UBE2D2: variants seen among roughly 807,000 people sequenced by gnomAD.
The protein encoded by UBE2D2 is ubiquitin conjugating enzyme E2 D2.
A neutral mutation model predicts 24.2 loss-of-function variants in UBE2D2; 2 were observed. The observed-to-expected ratio is 0.08, with a 90% CI of 0.03 to 0.26. The LOEUF is 0.26. UBE2D2 is among the 10% of genes least tolerant of loss of function. The pLI, the probability that UBE2D2 is intolerant of heterozygous loss-of-function variation, is 1.00. For synonymous variants in UBE2D2, 58 were observed against 56.5 expected, an observed-to-expected ratio of 1.03 and a Z score of -0.12; for missense variants, 44 against 177.6, an observed-to-expected ratio of 0.25 and a Z score of 4.28.
rs1338732376 is a variant in UBE2D2, at chr5:139,574,747, AAAAAAAG to A, written c.24+12937_24+12943del. Among the ~76,000 whole-genome samples the A allele has an allele frequency of 2.0e-3, 299 of 151,956 alleles. 1 individual carries two copies. The highest frequency in any genetic ancestry group is 3.6e-3 in the Admixed American group (55 of 15,232). On this transcript the variant is annotated intron_variant, in intron 1 of 6. Transcript: ENST00000398733. ...TCAGGTGGGGTGGCAAAAAAAAAAA[AAAAAAAG>A]AAAAGAAAAGGTGGAATTTTGGAGC...
chr5:139,531,625 C>T (rs1439755269), intron 1 of UBE2D2, among the ~76,000 whole-genome samples: 2 of 97,354 alleles, frequency 2.1e-5, no homozygotes, highest in African/African-American at 7.8e-5. Context: ...AGACCCTATC[C>T]AAAAAAAAAA....
intron 1 of UBE2D2, among the ~76,000 whole-genome samples, chr5:139,595,990 T>C (rs1457485918): frequency 6.7e-6 from 1 of 150,032 alleles, no homozygotes; most frequent in Non-Finnish European, 1.5e-5. Context: ...GCCTCCCTCG[T>C]TCAGGCAATT....
chr5:139,612,783 T>C (rs1754350562), intron 2 of UBE2D2, among the ~76,000 whole-genome samples: 1 of 152,204 alleles, frequency 6.6e-6, no homozygotes, highest in Non-Finnish European at 1.5e-5. Flanking sequence ...CGTGTGAGCA[T>C]GTGCGTGTGT....
chr5:139,550,919 C>T (rs914386259), intron 1 of UBE2D2, among the ~76,000 whole-genome samples: 3 of 152,170 alleles, frequency 2.0e-5, no homozygotes, highest in Non-Finnish European at 4.4e-5. Flanking sequence ...CTTCATTCTT[C>T]AAGTCAGTGA....
intron 1 of UBE2D2, among the ~76,000 whole-genome samples, chr5:139,543,966 G>A (rs530257171): frequency 5.6e-5 from 7 of 125,968 alleles, no homozygotes; most frequent in Non-Finnish European, 1.1e-4. Context: ...GAACCCCACA[G>A]AAGACAAAGG....
chr5:139,540,698 T>G (rs2126632105), intron 1 of UBE2D2, among the ~76,000 whole-genome samples: 1 of 152,228 alleles, frequency 6.6e-6, no homozygotes. Context: ...ATATTTACAT[T>G]AAAAAGTTTG....
rs1376348700 is a variant in UBE2D2 at position 139,562,478 on chromosome 5, G to C, written c.24+663G>C. 4.8e-6 allele frequency: 6 copies of C among 1,259,404 alleles called. 1 individual carries two copies. The highest frequency in any genetic ancestry group is 6.2e-6 in the Non-Finnish European group (6 of 971,814). 78.0% of individuals were successfully genotyped at this position (1,259,404 alleles called of 1,614,324 possible). On this transcript the variant is annotated intron_variant, in intron 1 of 6. Transcript: ENST00000398733. ...TCCTTGAGGTTGCTGTATGTAGTTAGAAACTAACACTTCCGTTTTGCAGGA... is the reference window on the plus strand; with the variant it reads ...TCCTTGAGGTTGCTGTATGTAGTTACAAACTAACACTTCCGTTTTGCAGGA...
intron 1 of UBE2D2, among the ~76,000 whole-genome samples, chr5:139,566,867 C>CA (rs950945671): frequency 1.2e-4 from 16 of 138,458 alleles, no homozygotes; most frequent in South Asian, 4.6e-4. Context: ...ATCTTCCATT[C>CA]AAAAAAAAAA....
At chr5:139,618,648 C>T (rs904282013) in intron 5 of UBE2D2, among the ~76,000 whole-genome samples, 4 of 152,064 alleles carry the variant, frequency 2.6e-5, no homozygotes, top group African/African-American at 7.2e-5. Context: ...ATTGCCATAC[C>T]TCTTTTTGTT....
chr5:139,559,383 G>A (rs773602965), upstream of UBE2D2, among the ~76,000 whole-genome samples: 48 of 150,562 alleles, frequency 3.2e-4, no homozygotes, highest in Admixed American at 1.7e-3. Flanking sequence ...CCGAGATAGC[G>A]TCACCGCACT....
At chr5:139,533,034 G>A (rs1412186963) in intron 1 of UBE2D2, among the ~76,000 whole-genome samples, 3 of 151,662 alleles carry the variant, frequency 2.0e-5, no homozygotes, top group Non-Finnish European at 4.4e-5. Flanking sequence ...CTTGAACCCG[G>A]GAGGCGGAGG....
intron 1 of UBE2D2, among the ~76,000 whole-genome samples, chr5:139,549,688 G>A (rs563835812): frequency 4.6e-5 from 7 of 152,342 alleles, no homozygotes; most frequent in South Asian, 2.1e-4. Context: ...CCTGCTCCGC[G>A]GCGCCCCATC....
At chr5:139,623,553 A>C in intron 6 of UBE2D2, 92 bp downstream of exon 6, 1 of 1,024,910 alleles carries the variant, frequency 9.8e-7, no homozygotes, top group East Asian at 2.5e-5. Flanking sequence ...TATCGGCCAG[A>C]TATTTAAAGT....
At chr5:139,624,376 A>AC (rs1276736882) in intron 6 of UBE2D2, among the ~76,000 whole-genome samples, 4 of 152,076 alleles carry the variant, frequency 2.6e-5, no homozygotes, top group Non-Finnish European at 4.4e-5. Context: ...CAAACTCCCT[A>AC]CCTCAGCCTC....
intron 1 of UBE2D2, chr5:139,562,222 C>T: frequency 2.2e-6 from 3 of 1,372,290 alleles, no homozygotes; most frequent in Non-Finnish European, 2.9e-6. Context: ...ATTTCTGTTC[C>T]CTCCTCCCAC....
chr5:139,532,528 T>A (rs546048279), intron 1 of UBE2D2, among the ~76,000 whole-genome samples: 1 of 152,066 alleles, frequency 6.6e-6, no homozygotes, highest in African/African-American at 2.4e-5. Context: ...ATTTTTTGTA[T>A]TTTTAGTGGA....
At chr5:139,551,635 T>C (rs1022502279) in intron 1 of UBE2D2, among the ~76,000 whole-genome samples, 1 of 152,170 alleles carries the variant, frequency 6.6e-6, no homozygotes, top group African/African-American at 2.4e-5. Flanking sequence ...TGCTAGACAC[T>C]GGGGATTAAA....
At chr5:139,559,775 A>T (rs984652042), upstream of UBE2D2, among the ~76,000 whole-genome samples, 7 of 152,136 alleles carry the variant, frequency 4.6e-5, no homozygotes, top group African/African-American at 1.7e-4. Flanking sequence ...AAAAGGAGAC[A>T]TTTAGAATCA....
intron 1 of UBE2D2, among the ~76,000 whole-genome samples, chr5:139,553,147 C>T (rs1752943398): frequency 6.6e-6 from 1 of 152,276 alleles, no homozygotes; most frequent in East Asian, 1.9e-4. Flanking sequence ...ATAGTGGTAT[C>T]ATCTTACAGA....
Sources: allele counts gnomAD v4.1 joint callset (sites outside exome capture counted in the v4.1 genomes callset), GRCh38; gene constraint gnomAD v4.1.1; transcripts MANE v1.5; gene names NCBI Gene and HGNC (gene_info 2026-07-23, HGNC 2026-07-21).